Variants in DCAF17 observed in about 807,000 individuals in gnomAD.
DCAF17 encodes DDB1- and CUL4-associated factor 17.
Under a neutral mutation model 66.0 loss-of-function variants are expected in DCAF17, and 48 were observed. The ratio of observed to expected loss-of-function variants is 0.73; its 90% CI spans 0.58 to 0.92. The LOEUF (loss-of-function observed/expected upper bound fraction) is 0.92, where lower values mean the gene tolerates loss of function less well. Ranked by LOEUF, DCAF17 falls within the 40% of genes least tolerant of loss-of-function variation. The pLI is 0.00. For synonymous variants in DCAF17, 206 were observed against 214.6 expected, an observed-to-expected ratio of 0.96 and a Z score of 0.35; for missense variants, 562 against 622.8, an observed-to-expected ratio of 0.90 and a Z score of 1.04.
At chr2:171,473,521 C>T (rs1436570609) in intron 9 of DCAF17, among the ~76,000 whole-genome samples, 1 of 152,082 alleles carries the variant, frequency 6.6e-6, no homozygotes, top group Non-Finnish European at 1.5e-5. Context: ...TTCAGTACTT[C>T]CTTTGAGTGT....
chr2:171,451,967 C>T (rs1305114350), intron 5 of DCAF17, among the ~76,000 whole-genome samples: 3 of 152,082 alleles, frequency 2.0e-5, no homozygotes, highest in African/African-American at 7.2e-5. Context: ...GGACTGTTTT[C>T]CTACAGTCTC....
At chr2:171,442,786 A>G (rs113790650) in intron 2 of DCAF17, among the ~76,000 whole-genome samples, 18 of 152,138 alleles carry the variant, frequency 1.2e-4, no homozygotes, top group African/African-American at 4.1e-4. Flanking sequence ...AGGCTGAGGC[A>G]GGACAATTAC....
intron 8 of DCAF17, among the ~76,000 whole-genome samples, chr2:171,463,825 A>G (rs1695738644): frequency 6.6e-6 from 1 of 152,226 alleles, no homozygotes; most frequent in Non-Finnish European, 1.5e-5. Flanking sequence ...TAAAAGCTTT[A>G]ACTCATCAGC....
At chr2:171,449,857 C>T in intron 4 of DCAF17, 22 bp from the exon 5 acceptor site, 2 of 1,598,326 alleles carry the variant, frequency 1.3e-6, no homozygotes, top group Non-Finnish European at 8.6e-7. Context: ...AATAAATAAA[C>T]TTCTCTTCAT....
At chr2:171,448,612 G>T in intron 3 of DCAF17, 69 bp from the exon 4 acceptor site, 2 of 1,376,384 alleles carry the variant, frequency 1.5e-6, no homozygotes, top group Non-Finnish European at 9.7e-7. Flanking sequence ...TATTTTCTTT[G>T]GACATTGATT....
rs1368429299 is a variant in DCAF17 at position 171,434,323 on chromosome 2, C to G, written c.-255C>G. 6.0e-6 allele frequency: 4 copies of G among 663,126 alleles called. No individual in the cohort carries two copies. Among genetic ancestry groups the G allele is most frequent in the South Asian group, 6.0e-5 (4 of 66,646 alleles). 41.1% of individuals were successfully genotyped at this position (663,126 alleles called of 1,614,324 possible). On this transcript the variant is annotated 5_prime_UTR_variant, in exon 1 of 14. Transcript: ENST00000375255. ...CGGTACCGGAGCGTCGCACTGTCAG[C>G]GGCCAGAGAGCCTGGGGCAGATCGA...
chr2:171,450,197 A>T, intron 5 of DCAF17: 1 of 430,956 alleles, frequency 2.3e-6, no homozygotes, highest in South Asian at 2.2e-5. Flanking sequence ...ATGCAAAGGC[A>T]TAAGAATGAT....
intron 6 of DCAF17, among the ~76,000 whole-genome samples, chr2:171,453,901 A>G (rs1447079263): frequency 6.6e-6 from 1 of 152,238 alleles, no homozygotes; most frequent in Non-Finnish European, 1.5e-5. Flanking sequence ...AGTTGAATGT[A>G]TTAAAATTTT....
In DCAF17 at chr2:171,484,658, A is replaced by G. The variant is rs914386439; in HGVS notation, c.*3544A>G. 2 of 453,964 alleles carry G rather than the reference A, an allele frequency of 4.4e-6. No individual in the cohort carries two copies. The highest frequency in any genetic ancestry group is 4.7e-5 in the Admixed American group (2 of 42,556). 28.1% of individuals were successfully genotyped at this position (453,964 alleles called of 1,614,324 possible). On this transcript the variant is annotated 3_prime_UTR_variant, in exon 14 of 14. Coordinates refer to ENST00000375255, the MANE Select transcript of DCAF17 (RefSeq NM_025000.4). ...ATAAATTTACTGAGTTCTTGCAGAC[A>G]TATACACCTGTGTAACCCAAACCCT... is the stretch of plus-strand genomic sequence containing the variant.
rs527869750 is a variant in DCAF17 at position 171,478,314 on chromosome 2, C to G, written c.1266+244C>G. Among the ~76,000 whole-genome samples the G allele has an allele frequency of 2.6e-5, 4 of 152,188 alleles. No individual in the cohort carries two copies. The East Asian group carries it at 7.7e-4, about 29-fold the overall frequency. On this transcript the variant is annotated intron_variant, in intron 12 of 13. Transcript: ENST00000375255. ...ATAGGACCAAAATAATTTGAAAACA[C>G]GATTAGCTTATTGTTTTGTTTTATT...
At chr2:171,448,613 G>A (rs933759779) in intron 3 of DCAF17, 68 bp from the exon 4 acceptor site, 2 of 1,385,944 alleles carry the variant, frequency 1.4e-6, no homozygotes, top group African/African-American at 1.5e-5. Context: ...ATTTTCTTTG[G>A]ACATTGATTA....
At position 171,480,208 on chromosome 2, in the gene DCAF17, T is replaced by C; in HGVS notation, c.1422+15T>C. 2 of 1,612,464 alleles carry C rather than the reference T, an allele frequency of 1.2e-6. No homozygotes were observed. The highest frequency in any genetic ancestry group is 1.7e-6 in the Non-Finnish European group (2 of 1,179,428). ...CATGGGATGTGGTGAGTAGAGTCCG[T>C]GGGATACAAAGTTGTAAACCTTTCC... On this transcript the variant is annotated intron_variant, in intron 13 of 13. Transcript: ENST00000375255.
chr2:171,470,561 T>G (rs1696187162), intron 9 of DCAF17, among the ~76,000 whole-genome samples: 1 of 152,198 alleles, frequency 6.6e-6, no homozygotes, highest in South Asian at 2.1e-4. Flanking sequence ...CTGCTCCTAT[T>G]TGGCCCAGCC....
At chr2:171,450,168 T>A in intron 5 of DCAF17, 1 of 496,942 alleles carries the variant, frequency 2.0e-6, no homozygotes, top group East Asian at 3.8e-5. Context: ...CACTCATAAG[T>A]GAGAGCTAAG....
chr2:171,481,397 A>G lies in DCAF17; in HGVS notation c.*283A>G, dbSNP rs1325408579. On this transcript the variant is annotated 3_prime_UTR_variant, in exon 14 of 14. Transcript: ENST00000375255. The stretch of plus-strand genomic sequence containing the variant: ...TATAAAATGCTGGGAACAGAAAAGG[A>G]CAGGTTAATTCCAATTGTTGAGGAG... 7.8e-6 allele frequency: 4 copies of G among 510,940 alleles called. No homozygotes were observed. Among genetic ancestry groups the G allele is most frequent in the Non-Finnish European group, 1.5e-5 (4 of 264,832 alleles). 31.7% of individuals were successfully genotyped at this position (510,940 alleles called of 1,614,324 possible). A position where few individuals can be genotyped will look rare whatever the true frequency, so the allele number is the denominator to read the frequency against.
Position 171,481,788 on chromosome 2 carries a change from A to T in DCAF17, c.*674A>T, listed in dbSNP as rs987968835. ...GTTTCTATATAGGCTAATGTAAAAG[A>T]TTCCAAGCAAACCTTAAGTGAAATT... On this transcript the variant is annotated 3_prime_UTR_variant, in exon 14 of 14. Coordinates refer to ENST00000375255, the MANE Select transcript of DCAF17 (RefSeq NM_025000.4). 6 of 453,358 alleles carry T rather than the reference A, an allele frequency of 1.3e-5. No homozygotes were observed. Among genetic ancestry groups the T allele is most frequent in the Non-Finnish European group, 2.6e-5 (6 of 226,586 alleles). 28.1% of individuals were successfully genotyped at this position (453,358 alleles called of 1,614,324 possible). A position where few individuals can be genotyped will look rare whatever the true frequency, so the allele number is the denominator to read the frequency against.
intron 2 of DCAF17, among the ~76,000 whole-genome samples, chr2:171,442,563 CAAAAAAAAA>C (rs1176443561): frequency 2.0e-4 from 12 of 60,600 alleles, no homozygotes; most frequent in Non-Finnish European, 3.5e-4. Flanking sequence ...GACTCCATCT[CAAAAAAAAA>C]AAAAAAAAAA....
At chr2:171,445,684 T>G (rs1482067207) in intron 3 of DCAF17, among the ~76,000 whole-genome samples, 3 of 152,174 alleles carry the variant, frequency 2.0e-5, no homozygotes, top group Non-Finnish European at 4.4e-5. Flanking sequence ...ACTTAAATTT[T>G]TTTAATATAT....
chr2:171,459,329 A>T (rs1156744148), intron 8 of DCAF17, among the ~76,000 whole-genome samples: 2 of 152,190 alleles, frequency 1.3e-5, no homozygotes, highest in Non-Finnish European at 2.9e-5. Context: ...AAAGAAAAGA[A>T]ATCAACTATT....
Sources: allele counts gnomAD v4.1 joint callset (sites outside exome capture counted in the v4.1 genomes callset), GRCh38; gene constraint gnomAD v4.1.1; transcripts MANE v1.5; gene names NCBI Gene and HGNC (gene_info 2026-07-23, HGNC 2026-07-21).